The following MTMR7 variants were observed in gnomAD, a reference collection of about 807,000 sequenced individuals.
MTMR7 encodes phosphatidylinositol-3-phosphate phosphatase MTMR7.
A neutral mutation model predicts 81.2 loss-of-function variants in MTMR7; 76 were observed. The ratio of observed to expected loss-of-function variants is 0.94; its 90% CI spans 0.78 to 1.13. The LOEUF (loss-of-function observed/expected upper bound fraction) is 1.13. MTMR7 is among the 50% of genes most tolerant of loss of function. The probability of loss-of-function intolerance (pLI) is 0.00; values close to 1 mark genes in which losing one functional copy is unlikely to be tolerated. For synonymous variants in MTMR7, 372 were observed against 289.8 expected, an observed-to-expected ratio of 1.28 and a Z score of -2.88; for missense variants, 1,044 against 820.0, an observed-to-expected ratio of 1.27 and a Z score of -3.34.
chr8:17,347,917 G>A (rs1310911410), intron 5 of MTMR7, among the ~76,000 whole-genome samples: 1 of 152,186 alleles, frequency 6.6e-6, no homozygotes, highest in Non-Finnish European at 1.5e-5. Flanking sequence ...CCTGCAGTGT[G>A]TGGGTGGTGA....
At chr8:17,386,826 G>A (rs184104373) in intron 1 of MTMR7, among the ~76,000 whole-genome samples, 3 of 152,174 alleles carry the variant, frequency 2.0e-5, no homozygotes, top group Non-Finnish European at 2.9e-5. Context: ...TTGGCAGTAC[G>A]CCACACACCA....
chr8:17,380,127 G>C (rs1820715500), intron 1 of MTMR7, among the ~76,000 whole-genome samples: 1 of 152,096 alleles, frequency 6.6e-6, no homozygotes, highest in Non-Finnish European at 1.5e-5. Context: ...AACCTCCATG[G>C]GAACTGGCAG....
At chr8:17,323,545 G>C (rs1818516542) in intron 7 of MTMR7, among the ~76,000 whole-genome samples, 1 of 151,954 alleles carries the variant, frequency 6.6e-6, no homozygotes, top group South Asian at 2.1e-4. Flanking sequence ...TGGATGTAAA[G>C]TGGTAGGCAC....
chr8:17,392,128 G>A (rs10107617), intron 1 of MTMR7, among the ~76,000 whole-genome samples: 141,993 of 152,210 alleles, frequency 0.93, 66,475 homozygotes, highest in South Asian at 0.96. Flanking sequence ...AATTTCAAGC[G>A]TACTTCACAG....
intron 3 of MTMR7, among the ~76,000 whole-genome samples, 189 bp from the exon 4 acceptor site, chr8:17,361,463 A>G (rs534525884): frequency 1.1e-4 from 17 of 152,272 alleles, no homozygotes; most frequent in Admixed American, 1.1e-3. Context: ...TGACAAGATG[A>G]CCTTGGGGTA....
chr8:17,402,974 G>C (rs1006830245), intron 1 of MTMR7, among the ~76,000 whole-genome samples: 1 of 152,080 alleles, frequency 6.6e-6, no homozygotes, highest in Non-Finnish European at 1.5e-5. Context: ...CTGTACTTTT[G>C]ATTTTCACTT....
At chr8:17,318,108 C>A (rs1818194718) in intron 7 of MTMR7, among the ~76,000 whole-genome samples, 2 of 152,128 alleles carry the variant, frequency 1.3e-5, no homozygotes, top group African/African-American at 4.8e-5. Context: ...GATGGGAAGC[C>A]AGTCTCTGCC....
intron 6 of MTMR7, among the ~76,000 whole-genome samples, chr8:17,336,836 A>G (rs921785282): frequency 1.3e-5 from 2 of 152,180 alleles, no homozygotes; most frequent in African/African-American, 4.8e-5. Context: ...GTAACCCCAC[A>G]GAGCTTCCAC....
intron 10 of MTMR7, 131 bp from the exon 11 acceptor site, chr8:17,306,088 A>G: frequency 1.4e-6 from 1 of 713,492 alleles, no homozygotes; most frequent in South Asian, 2.3e-5. Context: ...TGGAATGACA[A>G]AAAAGGTAGA....
intron 1 of MTMR7, among the ~76,000 whole-genome samples, chr8:17,383,301 C>A (rs1820819577): frequency 6.6e-6 from 1 of 152,124 alleles, no homozygotes; most frequent in South Asian, 2.1e-4. Flanking sequence ...TTAACCCTTC[C>A]CTCAAGCAGA....
intron 6 of MTMR7, among the ~76,000 whole-genome samples, chr8:17,339,664 T>G (rs1317089568): frequency 6.6e-6 from 1 of 152,248 alleles, no homozygotes; most frequent in African/African-American, 2.4e-5. Flanking sequence ...TTATGAACAT[T>G]TGGTTATTTA....
At chr8:17,303,617 T>A (rs1360294405) in intron 12 of MTMR7, among the ~76,000 whole-genome samples, 1 of 152,024 alleles carries the variant, frequency 6.6e-6, no homozygotes, top group East Asian at 1.9e-4. Flanking sequence ...AATCTTTTTT[T>A]TTTTTTTTTG....
intron 6 of MTMR7, among the ~76,000 whole-genome samples, chr8:17,337,362 C>CAAAA (rs1554511150): frequency 2.2e-5 from 2 of 89,662 alleles, no homozygotes; most frequent in African/African-American, 3.4e-5. Flanking sequence ...AACTCCGTCC[C>CAAAA]AAAAAAAAAA....
At chr8:17,332,305 A>G (rs140336805) in intron 6 of MTMR7, among the ~76,000 whole-genome samples, 1,848 of 152,352 alleles carry the variant, frequency 0.012, 18 homozygotes, top group Middle Eastern at 0.02. Context: ...TTAAAGACAC[A>G]TATGTTCTTT....
rs1242180655 is a variant in MTMR7, at chr8:17,299,484, A to T, written c.*378T>A. On this transcript the variant is annotated 3_prime_UTR_variant, in exon 14 of 14. Transcript: ENST00000180173. ...AAAATATGCATCTAGAAGTGAACTAAAAGAATCATGATGATCACAGATGTG... is the reference window on the plus strand; with the variant it reads ...AAAATATGCATCTAGAAGTGAACTATAAGAATCATGATGATCACAGATGTG... The T allele has an allele frequency of 5.6e-6, 1 of 179,902 alleles. No homozygotes were observed. The highest frequency in any genetic ancestry group is 1.2e-5 in the Non-Finnish European group (1 of 84,034). 11.1% of individuals were successfully genotyped at this position (179,902 alleles called of 1,614,324 possible). A position where few individuals can be genotyped will look rare whatever the true frequency, so the allele number is the denominator to read the frequency against.
At chr8:17,379,031 C>G (rs994429492) in intron 1 of MTMR7, among the ~76,000 whole-genome samples, 1 of 152,102 alleles carries the variant, frequency 6.6e-6, no homozygotes, top group Admixed American at 6.5e-5. Flanking sequence ...AGCACAGAAA[C>G]AAAGAAATGG....
At position 17,371,046 on chromosome 8, in the gene MTMR7, C is replaced by A. The variant is rs774746808; in HGVS notation, c.301G>T (p.Ala101Ser). The stretch of plus-strand genomic sequence containing the variant: ...AGTTCCTCTGCCCTACCTGGCCTTG[C>A]AAGGCGTATCAGGGAGATGTACACG... The part of the protein sequence containing the change: ...HDVYISLIRL[A>S]RPVKYEELYC... The change falls in exon 3 of 14, where the codon GCA becomes TCA. Residue 101 changes from alanine to serine, a missense_variant. Transcript: ENST00000180173. The A allele has an allele frequency of 1.9e-6, 3 of 1,612,560 alleles. No individual in the cohort carries two copies. Among genetic ancestry groups the A allele is most frequent in the African/African-American group, 1.3e-5 (1 of 74,870 alleles).
intron 4 of MTMR7, among the ~76,000 whole-genome samples, chr8:17,356,580 G>T (rs187709715): frequency 1.6e-4 from 25 of 152,124 alleles, no homozygotes; most frequent in Middle Eastern, 3.4e-3. Flanking sequence ...TGGTTGTGGT[G>T]GTGGGTGTCT....
At chr8:17,410,448 C>T (rs1411871315) in intron 1 of MTMR7, among the ~76,000 whole-genome samples, 1 of 152,170 alleles carries the variant, frequency 6.6e-6, no homozygotes, top group African/African-American at 2.4e-5. Flanking sequence ...CAAATTATGC[C>T]TAAGCTTCCA....
Sources: gnomAD v4.1 joint callset for allele counts (sites outside exome capture counted in the v4.1 genomes callset) on GRCh38, gnomAD v4.1.1 for gene constraint, MANE v1.5 for transcripts, NCBI Gene and HGNC (gene_info 2026-07-23, HGNC 2026-07-21) for gene names.